The following SYT1 variants were observed in gnomAD, a reference collection of about 807,000 sequenced individuals.
The protein encoded by SYT1 is synaptotagmin-1.
In SYT1, 8 loss-of-function variants were observed where a neutral mutation model predicts 44.8. That is an observed-to-expected ratio of 0.18 (90% CI 0.10 to 0.32). SYT1 has a LOEUF of 0.32. Ranked by LOEUF, SYT1 falls within the 10% of genes least tolerant of loss-of-function variation. SYT1 has a pLI of 1.00. For missense variants in SYT1, 286 were observed against 509.3 expected (o/e 0.56, Z 4.22); for synonymous variants, 154 against 188.8 (o/e 0.82, Z 1.51).
chr12:78,946,874 T>G (rs1345919262), intron 1 of SYT1, among the ~76,000 whole-genome samples: 1 of 152,186 alleles, frequency 6.6e-6, no homozygotes, highest in African/African-American at 2.4e-5. Flanking sequence ...AAGATATGTT[T>G]TTAGCTAAAA....
intron 2 of SYT1, among the ~76,000 whole-genome samples, chr12:79,045,212 C>A (rs1024823282): frequency 6.6e-6 from 1 of 152,220 alleles, no homozygotes; most frequent in African/African-American, 2.4e-5. Context: ...GGGCGCCCCT[C>A]CCCCAGCCTG....
At chr12:79,351,307 T>A (rs973067788) in intron 8 of SYT1, among the ~76,000 whole-genome samples, 4 of 152,206 alleles carry the variant, frequency 2.6e-5, no homozygotes. Context: ...GTCATAAGAT[T>A]GAGGAATAAA....
chr12:78,884,772 C>T lies in SYT1; in HGVS notation c.-217+19663C>T, dbSNP rs73349512. ...TAAACTTGTTAAGAATGAGCTTGCA[C>T]ATGTTAGCTACATGTAAAATCTTTT... On this transcript the variant is annotated intron_variant, in intron 1 of 10. Transcript: ENST00000261205. Among the ~76,000 whole-genome samples, 288 of 151,576 alleles carry T rather than the reference C, an allele frequency of 1.9e-3. 3 individuals carry two copies. Among genetic ancestry groups the T allele is most frequent in the African/African-American group, 6.5e-3 (270 of 41,428 alleles).
intron 1 of SYT1, among the ~76,000 whole-genome samples, chr12:78,896,377 G>A (rs1309781524): frequency 6.6e-6 from 1 of 151,614 alleles, no homozygotes; most frequent in Non-Finnish European, 1.5e-5. Flanking sequence ...AGATGCCTTA[G>A]GATAAATTAT....
chr12:79,046,554 A>T (rs1414498220), intron 2 of SYT1: 1 of 152,070 alleles, frequency 6.6e-6, no homozygotes, highest in Non-Finnish European at 1.5e-5. Flanking sequence ...GCAATTCTTA[A>T]TGTTGCCTCT....
At chr12:78,947,485 A>T (rs980645643) in intron 1 of SYT1, among the ~76,000 whole-genome samples, 73 of 151,136 alleles carry the variant, frequency 4.8e-4, no homozygotes, top group Admixed American at 4.8e-3. Flanking sequence ...ATTTAGCCAG[A>T]TGACAGAGAC....
At chr12:79,081,447 T>C (rs118012196) in intron 3 of SYT1, among the ~76,000 whole-genome samples, 2,219 of 152,002 alleles carry the variant, frequency 0.015, 26 homozygotes, top group Middle Eastern at 0.075. Context: ...TGGCATGATC[T>C]TGGCTCACTA....
intron 9 of SYT1, among the ~76,000 whole-genome samples, chr12:79,431,513 ATTAT>A (rs35004307): frequency 0.01 from 1,487 of 142,682 alleles, 22 homozygotes; most frequent in South Asian, 0.067. Flanking sequence ...ATTTTATTTT[ATTAT>A]TTATTTATTT....
intron 3 of SYT1, among the ~76,000 whole-genome samples, chr12:79,139,132 G>A (rs1326016823): frequency 1.1e-4 from 17 of 152,152 alleles, no homozygotes; most frequent in Admixed American, 7.2e-4. Flanking sequence ...AGATGTCTGC[G>A]TCCTTAGTCG....
chr12:79,248,718 A>C (rs1316463749), intron 4 of SYT1, among the ~76,000 whole-genome samples: 1 of 152,190 alleles, frequency 6.6e-6, no homozygotes, highest in African/African-American at 2.4e-5. Context: ...TTGCTTCTGG[A>C]ATATATCAGA....
intron 1 of SYT1, among the ~76,000 whole-genome samples, chr12:78,893,707 A>C (rs1875179782): frequency 6.6e-6 from 1 of 151,778 alleles, no homozygotes; most frequent in Non-Finnish European, 1.5e-5. Flanking sequence ...TTAACTAAAA[A>C]GATAGGTTTA....
intron 2 of SYT1, among the ~76,000 whole-genome samples, chr12:79,042,002 T>G (rs1172945382): frequency 6.6e-6 from 1 of 151,952 alleles, no homozygotes; most frequent in Non-Finnish European, 1.5e-5. Flanking sequence ...ATAAGCTTTT[T>G]GATGTGCTGC....
intron 3 of SYT1, among the ~76,000 whole-genome samples, chr12:79,164,200 G>T (rs991444874): frequency 6.6e-6 from 1 of 152,032 alleles, no homozygotes; most frequent in Non-Finnish European, 1.5e-5. Context: ...AAGAAATGTT[G>T]GTGCTTTACC....
chr12:79,448,866 G>A (rs1430976920), intron 10 of SYT1, 52 bp from the exon 11 acceptor site: 2 of 1,545,566 alleles, frequency 1.3e-6, no homozygotes, highest in South Asian at 1.1e-5. Context: ...TTTATAGTCG[G>A]GCCTTATCTC....
chr12:78,871,637 C>T (rs1302357305), intron 1 of SYT1, among the ~76,000 whole-genome samples: 1 of 151,854 alleles, frequency 6.6e-6, no homozygotes, highest in Admixed American at 6.6e-5. Context: ...CAGTTGAGCT[C>T]TAGCAATCAG....
intron 2 of SYT1, among the ~76,000 whole-genome samples, chr12:79,019,980 A>G (rs1370043544): frequency 6.6e-6 from 1 of 151,984 alleles, no homozygotes; most frequent in African/African-American, 2.4e-5. Context: ...TCATTTTGAG[A>G]AACAAAAGTA....
chr12:79,216,328 G>A (rs1026395245), intron 3 of SYT1, among the ~76,000 whole-genome samples: 5 of 152,158 alleles, frequency 3.3e-5, no homozygotes, highest in Non-Finnish European at 5.9e-5. Context: ...TGTTAAGAAC[G>A]TGAAGTGAAT....
chr12:79,015,695 G>A (rs1225690299), intron 2 of SYT1, among the ~76,000 whole-genome samples: 1 of 152,104 alleles, frequency 6.6e-6, no homozygotes, highest in Admixed American at 6.6e-5. Context: ...AAACAGTTCT[G>A]AAGTTCAAAT....
intron 3 of SYT1, among the ~76,000 whole-genome samples, chr12:79,070,952 G>A (rs561226035): frequency 7.5e-4 from 114 of 152,116 alleles, no homozygotes; most frequent in Non-Finnish European, 1.5e-3. Context: ...AGTAATAGCT[G>A]CAAGTAGTAA....
Sources: gnomAD v4.1 joint callset for allele counts (sites outside exome capture counted in the v4.1 genomes callset) on GRCh38, gnomAD v4.1.1 for gene constraint, MANE v1.5 for transcripts, NCBI Gene and HGNC (gene_info 2026-07-23, HGNC 2026-07-21) for gene names.